Variants in THADA observed in about 807,000 individuals in gnomAD.
The protein encoded by THADA is THADA armadillo repeat containing, also known as tRNA (32-2'-O)-methyltransferase regulator THADA.
In THADA, 213 loss-of-function variants were observed where a neutral mutation model predicts 219.8. The ratio of observed to expected loss-of-function variants is 0.97; its 90% confidence interval spans 0.87 to 1.09. The LOEUF is 1.09. Among genes scored for constraint, THADA ranks in the 50% least tolerant of loss-of-function variants. THADA has a pLI of 0.00. For missense variants in THADA, 2,956 were observed against 2,311.3 expected (o/e 1.28, Z -5.72); for synonymous variants, 1,018 against 828.9 (o/e 1.23, Z -3.92).
chr2:43,425,891 A>G (rs1447058174), intron 28 of THADA, among the ~76,000 whole-genome samples: 1 of 152,182 alleles, frequency 6.6e-6, no homozygotes, highest in Non-Finnish European at 1.5e-5. Flanking sequence ...AGGGCTTGTC[A>G]AGAGTGATAG....
In THADA at chr2:43,470,202, T is replaced by G. The variant is rs369337924; in HGVS notation, c.3836+15032A>C. Reference sequence around the variant, plus strand: ...CACTCTGGGTGACACGGTGAGACCTTGTCTCAAAAAAAAAAAAAAAAAAAG... The same window carrying G: ...CACTCTGGGTGACACGGTGAGACCTGGTCTCAAAAAAAAAAAAAAAAAAAG... On this transcript the variant is annotated intron_variant, in intron 26 of 37. Transcript: ENST00000405975. Among the ~76,000 whole-genome samples, 5 of 128,696 alleles carry G rather than the reference T, an allele frequency of 3.9e-5. No individual in the cohort carries two copies. The South Asian group carries it at 9.9e-4, about 26-fold the overall frequency. 84.4% of individuals were successfully genotyped at this position (128,696 alleles called of 152,430 possible).
chr2:43,578,578 A>G lies in THADA; in HGVS notation c.751T>C (p.Ser251Pro), dbSNP rs776978690. The G allele has an allele frequency of 1.7e-5, 28 of 1,612,618 alleles. No individual in the cohort carries two copies. Among genetic ancestry groups the G allele is most frequent in the South Asian group, 2.2e-5 (2 of 91,010 alleles). Reference sequence around the variant, plus strand: ...ATAAAAAGAATAATAGCTAATCCAGATGTGCTCTGTACAGTCTGTAACAGA... The same window carrying G: ...ATAAAAAGAATAATAGCTAATCCAGGTGTGCTCTGTACAGTCTGTAACAGA... Reference protein sequence around the residue: ...DDLLQTVQSTSGLAIILFIKT... With the variant: ...DDLLQTVQSTPGLAIILFIKT... Residue 251 changes from serine to proline, a missense_variant, in exon 9 of 38, where the codon TCT becomes CCT. Ser to Pro is a moderately conservative substitution (Grantham distance 74). Coordinates refer to ENST00000405975, the MANE Select transcript of THADA (RefSeq NM_022065.5).
In THADA at chr2:43,230,866, G is replaced by C; in HGVS notation, c.*82C>G. The C allele has an allele frequency of 1.4e-6, 2 of 1,472,620 alleles. No individual in the cohort carries two copies. The highest frequency in any genetic ancestry group is 2.3e-5 in the East Asian group (1 of 43,186). The allele number at this position is 1,472,620 out of a possible 1,614,324, so 91.2% of individuals were successfully genotyped here. A position where few individuals can be genotyped will look rare whatever the true frequency, so the allele number is the denominator to read the frequency against. On this transcript the variant is annotated 3_prime_UTR_variant, in exon 38 of 38. Coordinates refer to ENST00000405975, the MANE Select transcript of THADA (RefSeq NM_022065.5). ...GAGGCATGAATGGGATAAAATTTTT[G>C]AATTTATGTTCAACATGTTTCCTGC...
rs1285302705 is a variant in THADA at position 43,267,573 on chromosome 2, G to A, written c.5296+12192C>T. Among the ~76,000 whole-genome samples, 4 of 152,282 alleles carry A rather than the reference G, an allele frequency of 2.6e-5. No individual in the cohort carries two copies. In the East Asian group the frequency reaches 7.7e-4, roughly 29 times the overall value. On this transcript the variant is annotated intron_variant, in intron 36 of 37. Coordinates refer to ENST00000405975, the MANE Select transcript of THADA (RefSeq NM_022065.5). Reference sequence around the variant, plus strand: ...TTGGCTGAGATCTGTGGCAGATGACGAGGGCCTGGCTGATAAGATCCATGG... The same window carrying A: ...TTGGCTGAGATCTGTGGCAGATGACAAGGGCCTGGCTGATAAGATCCATGG...
At chr2:43,420,092 A>G (rs1393118367) in intron 28 of THADA, among the ~76,000 whole-genome samples, 1 of 152,082 alleles carries the variant, frequency 6.6e-6, no homozygotes, top group Non-Finnish European at 1.5e-5. Flanking sequence ...CTCTCACATG[A>G]CTTGTTAATC....
intron 35 of THADA, among the ~76,000 whole-genome samples, chr2:43,285,306 G>C (rs115623975): frequency 4.2e-3 from 634 of 152,276 alleles, no homozygotes; most frequent in Non-Finnish European, 6.2e-3. Flanking sequence ...GGAGGTGATT[G>C]GATCATGTAG....
chr2:43,443,233 C>T (rs1220439451), intron 26 of THADA, among the ~76,000 whole-genome samples: 1 of 152,024 alleles, frequency 6.6e-6, no homozygotes, highest in African/African-American at 2.4e-5. Flanking sequence ...GTGAGTGAAG[C>T]GAAACACAAG....
rs907921774 is a variant in THADA, at chr2:43,231,178, G to T, written c.5632C>A (p.Gln1878Lys). ...LCHLQRMVSE[Q>K]CHLLSQFFRE... is the part of the protein sequence containing the mutation. ...AAGAACTGAGACAGGAGGTGGCACT[G>T]CTCTGACACCATCCTTTGAAGGTGA... The change falls in exon 38 of 38, where the codon CAG becomes AAG. Residue 1878 changes from glutamine (Q) to lysine (K), a missense_variant. Coordinates refer to ENST00000405975, the MANE Select transcript of THADA (RefSeq NM_022065.5). 3.1e-6 allele frequency: 5 copies of T among 1,613,750 alleles called. No individual in the cohort carries two copies. The highest frequency in any genetic ancestry group is 4.2e-6 in the Non-Finnish European group (5 of 1,179,828).
intron 24 of THADA, among the ~76,000 whole-genome samples, chr2:43,501,394 G>C (rs994792743): frequency 7.0e-5 from 10 of 143,684 alleles, no homozygotes; most frequent in African/African-American, 2.6e-4. Flanking sequence ...TAAATGATCT[G>C]AATAAATGGA....
At chr2:43,286,838 T>G (rs1674078926) in intron 35 of THADA, 70 bp downstream of exon 35, 1 of 1,552,700 alleles carries the variant, frequency 6.4e-7, no homozygotes, top group African/African-American at 1.4e-5. Flanking sequence ...CTTCCCTTTT[T>G]TTAGGCAAGA....
intron 15 of THADA, chr2:43,565,748 A>C (rs928480366): frequency 5.3e-5 from 8 of 152,280 alleles, no homozygotes; most frequent in African/African-American, 1.9e-4. Context: ...CAGCACAAGC[A>C]AGAAATCCCA....
chr2:43,534,679 CTG>C (rs1388054397), intron 21 of THADA, among the ~76,000 whole-genome samples: 1 of 152,186 alleles, frequency 6.6e-6, no homozygotes, highest in Non-Finnish European at 1.5e-5. Context: ...GTATTCCACT[CTG>C]TATATATACA....
chr2:43,466,190 G>A (rs897759110), intron 26 of THADA, among the ~76,000 whole-genome samples: 1 of 152,156 alleles, frequency 6.6e-6, no homozygotes, highest in African/African-American at 2.4e-5. Context: ...TCTATTAAAA[G>A]GATTCCATGA....
In THADA at chr2:43,354,425, G is replaced by A. The variant is rs1345735582; in HGVS notation, c.4228-10188C>T. Among the ~76,000 whole-genome samples the A allele has an allele frequency of 1.3e-4, 20 of 150,790 alleles. No homozygotes were observed. In the East Asian group the frequency reaches 3.9e-3, roughly 29 times the overall value. On this transcript the variant is annotated intron_variant, in intron 29 of 37. Coordinates refer to ENST00000405975, the MANE Select transcript of THADA (RefSeq NM_022065.5). ...GTACAATAAATTATTGTTGACTGTA[G>A]TTACCCTATTGTGCTATCACATACT...
At chr2:43,308,534 G>A (rs1189507604) in intron 31 of THADA, among the ~76,000 whole-genome samples, 1 of 151,974 alleles carries the variant, frequency 6.6e-6, no homozygotes. Context: ...GTGAGACCTT[G>A]TCTTTACAAG....
At chr2:43,338,827 CTT>C (rs1261713953) in intron 30 of THADA, among the ~76,000 whole-genome samples, 2 of 152,090 alleles carry the variant, frequency 1.3e-5, no homozygotes, top group Non-Finnish European at 2.9e-5. Flanking sequence ...ATGGAAACCT[CTT>C]TGAGACCCCA....
chr2:43,417,743 A>G (rs1677175475), intron 28 of THADA, among the ~76,000 whole-genome samples: 1 of 152,234 alleles, frequency 6.6e-6, no homozygotes, highest in African/African-American at 2.4e-5. Context: ...AGAATAGCTA[A>G]AGCAGTCGCT....
chr2:43,546,318 G>A (rs1480292176), intron 20 of THADA, among the ~76,000 whole-genome samples: 2 of 152,074 alleles, frequency 1.3e-5, no homozygotes, highest in Non-Finnish European at 2.9e-5. Context: ...AATAGGTGTG[G>A]TGTGGTGCTG....
At chr2:43,585,843 TA>T (rs1283238068) in intron 7 of THADA, among the ~76,000 whole-genome samples, 7 of 152,154 alleles carry the variant, frequency 4.6e-5, no homozygotes, top group African/African-American at 1.4e-4. Context: ...CTTATTCTCA[TA>T]ACAATTTATT....
Sources: allele counts gnomAD v4.1 joint callset (sites outside exome capture counted in the v4.1 genomes callset), GRCh38; gene constraint gnomAD v4.1.1; transcripts MANE v1.5; gene names NCBI Gene and HGNC (gene_info 2026-07-23, HGNC 2026-07-21).